The following CDC16 variants were observed in gnomAD, a reference collection of about 807,000 sequenced individuals.
CDC16 encodes cell division cycle 16.
Under a neutral mutation model 87.0 loss-of-function variants are expected in CDC16, and 34 were observed. The observed-to-expected ratio is 0.39, with a 90% CI of 0.30 to 0.52. CDC16 has a LOEUF of 0.52. Ranked by LOEUF, CDC16 falls within the 20% of genes least tolerant of loss-of-function variation. The pLI, the probability that CDC16 is intolerant of heterozygous loss-of-function variation, is 0.74. For synonymous variants in CDC16, 263 were observed against 260.6 expected (o/e 1.01, Z -0.09); for missense variants, 653 against 751.9 (o/e 0.87, Z 1.54).
intron 5 of CDC16, 112 bp from the exon 6 acceptor site, chr13:114,242,009 A>G (rs748186408): frequency 5.7e-6 from 7 of 1,236,474 alleles, no homozygotes; most frequent in Non-Finnish European, 2.2e-6. Context: ...CTATGATCGC[A>G]CCACTGAACT....
chr13:114,237,328 G>C (rs1006400543), intron 3 of CDC16, among the ~76,000 whole-genome samples: 2 of 152,000 alleles, frequency 1.3e-5, no homozygotes, highest in African/African-American at 4.8e-5. Context: ...AGGTCTCTCT[G>C]TGTCACCCAG....
At chr13:114,243,811 T>G in intron 7 of CDC16, 45 bp from the exon 8 acceptor site, 3 of 1,526,466 alleles carry the variant, frequency 2.0e-6, no homozygotes, top group Non-Finnish European at 2.7e-6. Flanking sequence ...CATTTTATTT[T>G]GTTTTTGCTC....
chr13:114,237,357 G>A (rs1022345184), intron 3 of CDC16, among the ~76,000 whole-genome samples: 2 of 151,878 alleles, frequency 1.3e-5, no homozygotes, highest in African/African-American at 2.4e-5. Flanking sequence ...TGGGATGATC[G>A]TGGCTCACTA....
chr13:114,252,270 T>C (rs1428493976), intron 12 of CDC16, among the ~76,000 whole-genome samples: 1 of 152,188 alleles, frequency 6.6e-6, no homozygotes, highest in African/African-American at 2.4e-5. Context: ...AGCCTTACAC[T>C]AGCCCTGTTG....
At chr13:114,256,352 G>A (rs560841743) in intron 12 of CDC16, among the ~76,000 whole-genome samples, 9 of 152,162 alleles carry the variant, frequency 5.9e-5, no homozygotes, top group Non-Finnish European at 1.3e-4. Flanking sequence ...ATGACCTTCT[G>A]TAGAGGATAT....
Position 114,265,094 on chromosome 13 carries a change from G to C in CDC16, c.1513-56G>C, listed in dbSNP as rs562439766. 3 of 1,222,812 alleles carry C rather than the reference G, an allele frequency of 2.5e-6. No individual in the cohort carries two copies. In the South Asian group the frequency reaches 3.6e-5, roughly 15 times the overall value. 75.7% of individuals were successfully genotyped at this position (1,222,812 alleles called of 1,614,324 possible). On this transcript the variant is annotated intron_variant, in intron 16 of 17. Transcript: ENST00000356221. ...GGAATATTTTGAAATGAATCAGTGT[G>C]GTAAGAGAAGGAAATATGTTTTCTT...
chr13:114,249,555 C>T lies in CDC16; in HGVS notation c.972-994C>T, dbSNP rs531883499. Among the ~76,000 whole-genome samples, 3 of 152,164 alleles carry T rather than the reference C, an allele frequency of 2.0e-5. No homozygotes were observed. In the East Asian group the frequency reaches 5.8e-4, roughly 29 times the overall value. ...AGGGTATCACCCCCTATGTCTTCCA[C>T]GTTTTGTGATATGTTCTCTTTATTC... On this transcript the variant is annotated intron_variant, in intron 11 of 17. Coordinates refer to ENST00000356221, the MANE Select transcript of CDC16 (RefSeq NM_001078645.3).
rs769100748 is a variant in CDC16, at chr13:114,236,840, C to T, written c.145C>T (p.Leu49=). 6.2e-7 allele frequency: 1 copy of T among 1,611,934 alleles called. No individual in the cohort carries two copies. Among genetic ancestry groups the T allele is most frequent in the Non-Finnish European group, 8.5e-7 (1 of 1,179,284 alleles). ...CTATTGGTTGGCTCAGTGTCTTTAC[C>T]TGACAGCACAATATCACAGAGCCGC... ...DIYWLAQCLY[L]TAQYHRAAHA... is the part of the protein sequence containing the mutation. Residue 49 remains leucine, a synonymous_variant, in exon 3 of 18, where the codon CTG becomes TTG. Transcript: ENST00000356221.
intron 13 of CDC16, among the ~76,000 whole-genome samples, 200 bp from the exon 14 acceptor site, chr13:114,259,135 C>T (rs985856171): frequency 2.0e-5 from 3 of 151,206 alleles, no homozygotes; most frequent in African/African-American, 7.3e-5. Context: ...TACTGTATCT[C>T]CCAAAATCTT....
At chr13:114,256,744 G>C (rs1459758863) in intron 12 of CDC16, among the ~76,000 whole-genome samples, 1 of 152,166 alleles carries the variant, frequency 6.6e-6, no homozygotes, top group Non-Finnish European at 1.5e-5. Flanking sequence ...ATAAGAGGAA[G>C]ACCAGTGTCG....
At chr13:114,246,770 T>A (rs1488866572) in intron 10 of CDC16, among the ~76,000 whole-genome samples, 161 bp from the exon 11 acceptor site, 2 of 152,148 alleles carry the variant, frequency 1.3e-5, no homozygotes, top group Non-Finnish European at 2.9e-5. Context: ...TCTGCCCTCT[T>A]CTCTTGGACC....
chr13:114,250,496 A>AC, intron 11 of CDC16, 53 bp from the exon 12 acceptor site: 1 of 1,513,444 alleles, frequency 6.6e-7, no homozygotes, highest in East Asian at 2.4e-5. Context: ...TGTCTCAAAA[A>AC]AAAAAAAAAA....
chr13:114,241,380 C>T (rs775551556), intron 5 of CDC16, among the ~76,000 whole-genome samples: 1 of 152,224 alleles, frequency 6.6e-6, no homozygotes, highest in African/African-American at 2.4e-5. Flanking sequence ...GCTGCCTCAG[C>T]AGGCCATTGT....
chr13:114,238,962 T>C (rs746982848), intron 3 of CDC16, 28 bp from the exon 4 acceptor site: 39 of 1,604,514 alleles, frequency 2.4e-5, no homozygotes, highest in Non-Finnish European at 3.1e-5. Flanking sequence ...TTTTGACCAC[T>C]ACTTAAACAA....
chr13:114,259,344 A>G lies in CDC16; in HGVS notation c.1260A>G (p.Thr420=). 1 of 1,573,188 alleles carries G rather than the reference A, an allele frequency of 6.4e-7. No individual in the cohort carries two copies. The highest frequency in any genetic ancestry group is 8.6e-7 in the Non-Finnish European group (1 of 1,169,330). The change falls in exon 14 of 18, where the codon ACA becomes ACG. Residue 420 remains threonine, a synonymous_variant. Coordinates refer to ENST00000356221, the MANE Select transcript of CDC16 (RefSeq NM_001078645.3). ...VVAFQNGEWK[T]AEKWFLDALE... is the part of the protein sequence containing the mutation. ...TTTCCTTTCATTTTAGATGGAAAAC[A>G]GCCGAAAAATGGTTTCTTGATGCTT... is the stretch of plus-strand genomic sequence containing the variant.
In CDC16 at chr13:114,251,114, G is replaced by T. The variant is rs576541725; in HGVS notation, c.1097+440G>T. On this transcript the variant is annotated intron_variant, in intron 12 of 17. Coordinates refer to ENST00000356221, the MANE Select transcript of CDC16 (RefSeq NM_001078645.3). ...GAAACTAAGAATGTGTTACTTTGAG[G>T]AGTAGAGTATTGCTGTTCACATTGA... is the stretch of plus-strand genomic sequence containing the variant. Among the ~76,000 whole-genome samples, 3 of 152,300 alleles carry T rather than the reference G, an allele frequency of 2.0e-5. No homozygotes were observed. In the East Asian group the frequency reaches 5.8e-4, roughly 29 times the overall value.
chr13:114,257,296 A>T, intron 13 of CDC16, 66 bp downstream of exon 13: 30 of 999,794 alleles, frequency 3.0e-5, no homozygotes, highest in East Asian at 9.0e-5. Flanking sequence ...GGTGATCACT[A>T]GAGTTCACTG....
chr13:114,271,859 A>G (rs2083699122), intron 17 of CDC16, among the ~76,000 whole-genome samples: 1 of 152,196 alleles, frequency 6.6e-6, no homozygotes, highest in Admixed American at 6.5e-5. Context: ...GGCCTTGGAA[A>G]TGGGCAACTG....
intron 16 of CDC16, 104 bp from the exon 17 acceptor site, chr13:114,265,046 A>G: frequency 1.2e-6 from 1 of 844,136 alleles, no homozygotes; most frequent in Non-Finnish European, 2.0e-6. Flanking sequence ...ATGTCTGGCC[A>G]CTTCCCCCAC....
Sources: gnomAD v4.1 joint callset for allele counts (sites outside exome capture counted in the v4.1 genomes callset) on GRCh38, gnomAD v4.1.1 for gene constraint, MANE v1.5 for transcripts, NCBI Gene and HGNC (gene_info 2026-07-23, HGNC 2026-07-21) for gene names.